Variants in CUBN observed in about 807,000 individuals in gnomAD.
The protein encoded by CUBN is cubilin.
CUBN carries 282 observed loss-of-function variants against 405.3 expected under a neutral mutation model. The observed-to-expected ratio is 0.70, with a 90% CI of 0.63 to 0.77. The LOEUF (loss-of-function observed/expected upper bound fraction) is 0.77. Among genes scored for constraint, CUBN ranks in the 30% least tolerant of loss-of-function variants. The pLI is 0.00. For synonymous variants in CUBN, 1,684 were observed against 1,617.0 expected, an observed-to-expected ratio of 1.04 and a Z score of -0.99; for missense variants, 4,514 against 4,475.2, an observed-to-expected ratio of 1.01 and a Z score of -0.25.
chr10:16,844,645 C>T (rs1839458408), intron 60 of CUBN, among the ~76,000 whole-genome samples: 1 of 152,218 alleles, frequency 6.6e-6, no homozygotes, highest in African/African-American at 2.4e-5. Flanking sequence ...TTCATTGCCA[C>T]AGTAAGATTT....
intron 2 of CUBN, among the ~76,000 whole-genome samples, chr10:17,128,852 T>C (rs371199108): frequency 2.0e-5 from 3 of 152,202 alleles, no homozygotes; most frequent in African/African-American, 2.4e-5. Context: ...AGGGTGACTA[T>C]AGTTAACATT....
chr10:17,011,662 GCTGATTGGTCCATTTTACAGAGCA>G lies in CUBN; in HGVS notation c.4168+8147_4168+8170del, dbSNP rs1232968591. Among the ~76,000 whole-genome samples the G allele has an allele frequency of 4.2e-3, 633 of 152,234 alleles. 4 individuals are homozygous for G. Among genetic ancestry groups the G allele is most frequent in the African/African-American group, 0.014 (583 of 41,528 alleles). ...CCTTATTTGGCCCTGCCCACGTCCT[GCTGATTGGTCCATTTTACAGAGCA>G]CTGATTGGTCCATTTTACAGAGCGC... On this transcript the variant is annotated intron_variant, in intron 28 of 66. Coordinates refer to ENST00000377833, the MANE Select transcript of CUBN (RefSeq NM_001081.4).
chr10:16,932,442 T>G (rs928371858), intron 40 of CUBN, among the ~76,000 whole-genome samples: 2 of 152,150 alleles, frequency 1.3e-5, no homozygotes, highest in Non-Finnish European at 2.9e-5. Flanking sequence ...AAGGCATACA[T>G]CAGCAATATT....
rs1021728860 is a variant in CUBN, at chr10:17,083,506, A to AAAATAAAT, written c.2301+757_2301+764dup. On this transcript the variant is annotated intron_variant, in intron 17 of 66. Transcript: ENST00000377833. ...GGCAACAAGAGCGAAACTCCGTCTCAAAATAAATAAATACATACATACATA... is the reference window on the plus strand; with the variant it reads ...GGCAACAAGAGCGAAACTCCGTCTCAAAATAAATAAATAAATAAATACATACATACATA... Among the ~76,000 whole-genome samples the AAAATAAAT allele has an allele frequency of 2.0e-3, 302 of 147,688 alleles. 1 individual carries two copies. The highest frequency in any genetic ancestry group is 6.9e-3 in the African/African-American group (273 of 39,560).
At chr10:16,974,517 G>A (rs911804061) in intron 31 of CUBN, among the ~76,000 whole-genome samples, 4 of 147,378 alleles carry the variant, frequency 2.7e-5, no homozygotes, top group South Asian at 2.2e-4. Context: ...TCTGCCTCCC[G>A]AGTTCCCGCC....
chr10:16,946,395 T>C (rs1842783103), intron 36 of CUBN, among the ~76,000 whole-genome samples: 2 of 151,978 alleles, frequency 1.3e-5, no homozygotes, highest in African/African-American at 2.4e-5. Flanking sequence ...AAAAGTGTTA[T>C]AGTGCAATGA....
At chr10:17,019,152 G>A (rs563252396) in intron 28 of CUBN, among the ~76,000 whole-genome samples, 2 of 152,218 alleles carry the variant, frequency 1.3e-5, no homozygotes, top group African/African-American at 4.8e-5. Flanking sequence ...CCACTGCTCT[G>A]GGGCTCTCCA....
chr10:16,878,231 T>G (rs12257223), intron 56 of CUBN, among the ~76,000 whole-genome samples: 11,573 of 152,172 alleles, frequency 0.076, 1,517 homozygotes, highest in African/African-American at 0.26. Flanking sequence ...GAAGTTACAG[T>G]GAGCTGAGAT....
At position 17,065,546 on chromosome 10, in the gene CUBN, C is replaced by A; in HGVS notation, c.3101G>T (p.Gly1034Val). 1.9e-6 allele frequency: 3 copies of A among 1,613,516 alleles called. No individual in the cohort carries two copies. Among genetic ancestry groups the A allele is most frequent in the Non-Finnish European group, 2.5e-6 (3 of 1,179,606 alleles). Residue 1034 changes from glycine (G) to valine (V), a missense_variant, in exon 22 of 67, where the codon GGC becomes GTC. Physicochemically the swap from Gly to Val is moderately radical, Grantham distance 109. Around this residue, in one of 5 missense-constraint regions of CUBN, gnomAD observed 1,448 missense variants for 1,388.0 expected, o/e 1.04. Coordinates refer to ENST00000377833, the MANE Select transcript of CUBN (RefSeq NM_001081.4). ...FVTDSDLAYE[G>V]FLINYEAISA... The stretch of plus-strand genomic sequence containing the variant: ...GATTGCTTCATAGTTTATTAAGAAG[C>A]CTTCATAAGCGAGGTCGGAGTCAGT...
chr10:17,036,508 G>A (rs113598244), intron 27 of CUBN, among the ~76,000 whole-genome samples: 31 of 152,228 alleles, frequency 2.0e-4, no homozygotes, highest in African/African-American at 7.0e-4. Context: ...TAACCAGCCT[G>A]TCACATGCGC....
intron 58 of CUBN, among the ~76,000 whole-genome samples, chr10:16,873,680 C>CCA (rs1468746556): frequency 6.7e-6 from 1 of 149,928 alleles, no homozygotes; most frequent in Non-Finnish European, 1.5e-5. Context: ...CGAGATTGTG[C>CCA]CACTACACTC....
chr10:16,840,862 T>C (rs770391546), intron 61 of CUBN, 23 bp downstream of exon 61: 65 of 1,588,440 alleles, frequency 4.1e-5, no homozygotes, highest in Non-Finnish European at 5.0e-5. Context: ...TCATAACATA[T>C]AAAAATGCTT....
chr10:16,927,749 T>G (rs1380139054), intron 41 of CUBN, among the ~76,000 whole-genome samples: 1 of 152,260 alleles, frequency 6.6e-6, no homozygotes, highest in Admixed American at 6.5e-5. Flanking sequence ...AACCCTCAGA[T>G]GGCTGACTTC....
At chr10:17,105,388 C>T (rs763887205) in intron 11 of CUBN, 69 bp downstream of exon 11, 85 of 903,656 alleles carry the variant, frequency 9.4e-5, no homozygotes, top group Non-Finnish European at 1.4e-4. Flanking sequence ...AATCCTATAA[C>T]GTTACATTTT....
In CUBN at chr10:16,837,537, G is replaced by T. The variant is rs189919224; in HGVS notation, c.10033-1155C>A. The stretch of plus-strand genomic sequence containing the variant: ...TGATTTCCTTTCTGAACCCTTTAGA[G>T]GTTTCTGTGTTTTTATAGACAAGCC... On this transcript the variant is annotated intron_variant, in intron 62 of 66. Transcript: ENST00000377833. Among the ~76,000 whole-genome samples, 370 of 152,122 alleles carry T rather than the reference G, an allele frequency of 2.4e-3. 1 individual carries two copies. Among genetic ancestry groups the T allele is most frequent in the African/African-American group, 8.5e-3 (351 of 41,478 alleles).
chr10:16,890,427 G>A lies in CUBN; in HGVS notation c.8699C>T (p.Ala2900Val). Residue 2900 changes from alanine to valine, a missense_variant, in exon 55 of 67, where the codon GCC becomes GTC. This residue lies in a region of CUBN where 1,186 missense variants were observed against 1,186.9 expected (regional missense o/e 1.00). Coordinates refer to ENST00000377833, the MANE Select transcript of CUBN (RefSeq NM_001081.4). ...PVITPSNTFT[A>V]VFQSQEAPAQ... ...TGGTGCCTCCTGAGACTGGAAGACG[G>A]CAGTGAATGTGTTACTTGGTGTGAT... 1.2e-6 allele frequency: 2 copies of A among 1,614,078 alleles called. No individual in the cohort carries two copies. The highest frequency in any genetic ancestry group is 1.7e-6 in the Non-Finnish European group (2 of 1,179,984).
intron 59 of CUBN, among the ~76,000 whole-genome samples, chr10:16,866,327 C>A (rs981336726): frequency 6.6e-6 from 1 of 152,126 alleles, no homozygotes; most frequent in South Asian, 2.1e-4. Context: ...GTATGAGACC[C>A]CCTCAGGAAG....
chr10:17,023,298 A>G (rs1203937616), intron 27 of CUBN, among the ~76,000 whole-genome samples: 1 of 152,234 alleles, frequency 6.6e-6, no homozygotes, highest in African/African-American at 2.4e-5. Context: ...CATTAAAATA[A>G]GCATCAAATA....
intron 24 of CUBN, among the ~76,000 whole-genome samples, chr10:17,045,731 T>A (rs1220245879): frequency 6.6e-6 from 1 of 152,180 alleles, no homozygotes; most frequent in Admixed American, 6.5e-5. Flanking sequence ...AGGATTCTTA[T>A]TTATTGATAA....
Sources: allele counts gnomAD v4.1 joint callset (sites outside exome capture counted in the v4.1 genomes callset), GRCh38; gene constraint gnomAD v4.1.1; regional missense constraint gnomAD v4.1.1; transcripts MANE v1.5; gene names NCBI Gene and HGNC (gene_info 2026-07-23, HGNC 2026-07-21).